The following BAZ1A variants were observed in gnomAD, a reference collection of about 807,000 sequenced individuals.
BAZ1A encodes bromodomain adjacent to zinc finger domain protein 1A.
A neutral mutation model predicts 185.2 loss-of-function variants in BAZ1A; 50 were observed. That is an observed-to-expected ratio of 0.27 (90% CI 0.22 to 0.34). The LOEUF is 0.34. BAZ1A is among the 10% of genes least tolerant of loss of function. The pLI, the probability that BAZ1A is intolerant of heterozygous loss-of-function variation, is 1.00. For missense variants in BAZ1A, 1,356 were observed against 1,839.9 expected, an observed-to-expected ratio of 0.74 and a Z score of 4.81; for synonymous variants, 571 against 615.6, an observed-to-expected ratio of 0.93 and a Z score of 1.07.
At chr14:34,822,318 A>G (rs1438087308) in intron 4 of BAZ1A, among the ~76,000 whole-genome samples, 1 of 151,824 alleles carries the variant, frequency 6.6e-6, no homozygotes, top group Non-Finnish European at 1.5e-5. Flanking sequence ...AAACAAAAAA[A>G]TCCTGTGAAT....
At chr14:34,859,053 C>T (rs1171784309) in intron 3 of BAZ1A, among the ~76,000 whole-genome samples, 2 of 152,172 alleles carry the variant, frequency 1.3e-5, no homozygotes, top group Non-Finnish European at 2.9e-5. Flanking sequence ...TATATGACTA[C>T]TGTATAGCAG....
At chr14:34,771,437 G>A (rs1879209195) in intron 21 of BAZ1A, 74 bp downstream of exon 21, 1 of 1,364,032 alleles carries the variant, frequency 7.3e-7, no homozygotes, top group African/African-American at 1.5e-5. Flanking sequence ...AGCCAATAAA[G>A]TTCTATTAGT....
intron 2 of BAZ1A, among the ~76,000 whole-genome samples, chr14:34,872,753 C>CA (rs991952544): frequency 2.0e-5 from 3 of 151,956 alleles, no homozygotes; most frequent in African/African-American, 7.3e-5. Context: ...GGATAACAGT[C>CA]ATATTCATCC....
chr14:34,771,240 G>A (rs568819545), intron 21 of BAZ1A: 22 of 275,944 alleles, frequency 8.0e-5, no homozygotes, highest in African/African-American at 4.4e-4. Context: ...GGGCTCAAGC[G>A]ATTCCACCTC....
chr14:34,794,916 T>C (rs1404339862), intron 10 of BAZ1A, 29 bp from the exon 11 acceptor site: 11 of 1,599,286 alleles, frequency 6.9e-6, no homozygotes, highest in Admixed American at 1.8e-5. Flanking sequence ...TATATAACTA[T>C]TTGAACCAAG....
At chr14:34,865,564 T>C (rs1262986888) in intron 2 of BAZ1A, among the ~76,000 whole-genome samples, 2 of 152,172 alleles carry the variant, frequency 1.3e-5, no homozygotes, top group Admixed American at 1.3e-4. Context: ...TTTGTACATC[T>C]CTATAGAACA....
intron 14 of BAZ1A, among the ~76,000 whole-genome samples, chr14:34,784,829 T>A (rs116851702): frequency 1.3e-5 from 2 of 151,110 alleles, no homozygotes; most frequent in Admixed American, 6.6e-5. Context: ...AAAAAAAATA[T>A]GGAACGCTTC....
intron 6 of BAZ1A, among the ~76,000 whole-genome samples, chr14:34,804,329 G>A (rs1190178686): frequency 6.6e-6 from 1 of 152,034 alleles, no homozygotes; most frequent in Non-Finnish European, 1.5e-5. Flanking sequence ...TTATCCATGT[G>A]CAACCCTAGA....
chr14:34,773,820 G>A, intron 19 of BAZ1A, 94 bp from the exon 20 acceptor site: 1 of 1,240,540 alleles, frequency 8.1e-7, no homozygotes, highest in Non-Finnish European at 1.1e-6. Flanking sequence ...TCAATTCATG[G>A]ATATTTTAGA....
intron 25 of BAZ1A, among the ~76,000 whole-genome samples, chr14:34,757,462 C>T (rs1382119539): frequency 1.6e-4 from 22 of 138,986 alleles, no homozygotes; most frequent in Non-Finnish European, 2.5e-4. Flanking sequence ...GTCAGGAGTT[C>T]GAGAACAGCC....
chr14:34,768,631 A>G, intron 21 of BAZ1A: 1 of 351,046 alleles, frequency 2.8e-6, no homozygotes, highest in Non-Finnish European at 5.5e-6. Context: ...CCATAGAGAA[A>G]GTAAAATCAT....
chr14:34,786,345 C>CA (rs1203627604), intron 12 of BAZ1A, 124 bp from the exon 13 acceptor site: 2 of 793,200 alleles, frequency 2.5e-6, no homozygotes, highest in African/African-American at 1.7e-5. Flanking sequence ...AAAGAACAAA[C>CA]ACTAGGTACA....
At chr14:34,835,821 G>A (rs1190696334) in intron 3 of BAZ1A, among the ~76,000 whole-genome samples, 3 of 151,280 alleles carry the variant, frequency 2.0e-5, no homozygotes, top group Admixed American at 6.6e-5. Context: ...ACAAGCATGC[G>A]CCACCACGCC....
chr14:34,861,844 A>G (rs778758245), intron 3 of BAZ1A, among the ~76,000 whole-genome samples, 200 bp downstream of exon 3: 3 of 152,274 alleles, frequency 2.0e-5, no homozygotes, highest in Admixed American at 6.5e-5. Flanking sequence ...GCATGCACGT[A>G]TATGTTTTTG....
At chr14:34,794,242 C>T (rs1203978929) in intron 11 of BAZ1A, among the ~76,000 whole-genome samples, 1 of 152,186 alleles carries the variant, frequency 6.6e-6, no homozygotes, top group African/African-American at 2.4e-5. Context: ...TGATCCAAAT[C>T]TTTCCTTATA....
intron 2 of BAZ1A, among the ~76,000 whole-genome samples, chr14:34,865,027 C>T (rs751046924): frequency 3.6e-4 from 55 of 152,284 alleles, no homozygotes; most frequent in Non-Finnish European, 5.1e-4. Context: ...CTGCCCACCT[C>T]AGCCTCCCAA....
At chr14:34,871,828 A>C (rs2138846556) in intron 2 of BAZ1A, among the ~76,000 whole-genome samples, 1 of 152,296 alleles carries the variant, frequency 6.6e-6, no homozygotes, top group South Asian at 2.1e-4. Flanking sequence ...CCGAGATGGC[A>C]CCACTGCACT....
chr14:34,775,746 TTCTATACAGAAATACATTCCCAAAC>T (rs1337611361), intron 18 of BAZ1A, among the ~76,000 whole-genome samples, 148 bp downstream of exon 18: 11 of 152,348 alleles, frequency 7.2e-5, no homozygotes, highest in South Asian at 4.1e-4. Flanking sequence ...AGAATCTTAT[TTCTATACAGAAATACATTCCCAAAC>T]TCTAACTTGC....
At chr14:34,807,677 T>C in intron 5 of BAZ1A, 139 bp from the exon 6 acceptor site, 2 of 539,934 alleles carry the variant, frequency 3.7e-6, no homozygotes, top group Non-Finnish European at 6.5e-6. Flanking sequence ...TCTAACAGTA[T>C]TTATGTAGAA....
Sources: gnomAD v4.1 joint callset for allele counts (sites outside exome capture counted in the v4.1 genomes callset) on GRCh38, gnomAD v4.1.1 for gene constraint, MANE v1.5 for transcripts, NCBI Gene and HGNC (gene_info 2026-07-23, HGNC 2026-07-21) for gene names.